The following PAX8 variants were observed in gnomAD, a reference collection of about 807,000 sequenced individuals.
PAX8 encodes the protein paired box protein Pax-8.
A neutral mutation model predicts 52.4 loss-of-function variants in PAX8; 15 were observed. That is an observed-to-expected ratio of 0.29 (90% CI 0.19 to 0.44). The LOEUF (loss-of-function observed/expected upper bound fraction) is 0.44. PAX8 is among the 20% of genes least tolerant of loss of function. PAX8 has a pLI of 1.00. For missense variants in PAX8, 554 were observed against 602.5 expected, an observed-to-expected ratio of 0.92 and a Z score of 0.84; for synonymous variants, 284 against 249.7, an observed-to-expected ratio of 1.14 and a Z score of -1.29.
At chr2:113,221,662 A>T (rs187009902) in intron 10 of PAX8, among the ~76,000 whole-genome samples, 30 of 152,374 alleles carry the variant, frequency 2.0e-4, no homozygotes, top group Admixed American at 1.5e-3. Flanking sequence ...TTTCCCATTA[A>T]ACAGGTGCGA....
At position 113,217,473 on chromosome 2, in the gene PAX8, G is replaced by C. The variant is rs1689067483; in HGVS notation, c.*1060C>G. ...GGCAAAGAGAGACATTTCACTCAGA[G>C]GCCAAAGTCTGGGGGTTAGAAAGAA... On this transcript the variant is annotated 3_prime_UTR_variant, in exon 12 of 12. Coordinates refer to ENST00000429538, the MANE Select transcript of PAX8 (RefSeq NM_003466.4). The C allele has an allele frequency of 4.4e-6, 1 of 229,814 alleles. No individual in the cohort carries two copies. The highest frequency in any genetic ancestry group is 8.6e-6 in the Non-Finnish European group (1 of 115,716). The allele number at this position is 229,814 out of a possible 1,614,324, so 14.2% of individuals were successfully genotyped here. A position where few individuals can be genotyped will look rare whatever the true frequency, so the allele number is the denominator to read the frequency against.
rs61730086 is a variant in PAX8, at chr2:113,242,108, G to T, written c.501C>A (p.Pro167=). The T allele has an allele frequency of 6.8e-4, 1,101 of 1,613,498 alleles. 16 individuals are homozygous for T. The South Asian group carries it at 0.011, about 17-fold the overall frequency. The change falls in exon 6 of 12, where the codon CCC becomes CCA. Residue 167 remains proline, a synonymous_variant. Transcript: ENST00000429538. The part of the protein sequence containing the change: ...HTLIPSSAVT[P]PESPQSDSLG... ...GGGAATCCGACTGGGGTGACTCCGG[G>T]GGAGTTACAGCTGAGCTGGGGACTG...
At chr2:113,218,753 T>C (rs973941275) in intron 11 of PAX8, 144 bp from the exon 12 acceptor site, 2 of 574,776 alleles carry the variant, frequency 3.5e-6, no homozygotes, top group African/African-American at 3.8e-5. Context: ...GAAGATTAAC[T>C]CCTCTCCAGC....
intron 2 of PAX8, chr2:113,269,106 A>G (rs1408411199): frequency 3.9e-5 from 6 of 152,266 alleles, no homozygotes; most frequent in African/African-American, 9.6e-5. Flanking sequence ...CAGAGGGGAA[A>G]GTTTGCATAT....
chr2:113,246,958 A>T, intron 2 of PAX8, 39 bp from the exon 3 acceptor site: 1 of 1,589,162 alleles, frequency 6.3e-7, no homozygotes, highest in Non-Finnish European at 8.6e-7. Context: ...TGTCAGGGTC[A>T]GGTAGGAGTT....
At chr2:113,247,023 G>C in intron 2 of PAX8, 104 bp from the exon 3 acceptor site, 1 of 1,133,088 alleles carries the variant, frequency 8.8e-7, no homozygotes, top group Non-Finnish European at 1.3e-6. Context: ...GTGTTTGACT[G>C]TGACCATGAA....
intron 2 of PAX8, among the ~76,000 whole-genome samples, chr2:113,264,977 T>C (rs1692951376): frequency 6.6e-6 from 1 of 152,168 alleles, no homozygotes; most frequent in African/African-American, 2.4e-5. Flanking sequence ...TAGGAGAAAG[T>C]CTTCTCGGAT....
At chr2:113,239,291 C>T (rs1690625559) in intron 7 of PAX8, 1 of 152,274 alleles carries the variant, frequency 6.6e-6, no homozygotes. Flanking sequence ...TGGTCTCAAA[C>T]TCCTGACCTC....
chr2:113,241,846 TG>T, intron 6 of PAX8, 120 bp from the exon 7 acceptor site: 1 of 1,457,610 alleles, frequency 6.9e-7, no homozygotes, highest in Non-Finnish European at 9.6e-7. Context: ...GCCAGCCACG[TG>T]GGCCCAGGAG....
intron 2 of PAX8, chr2:113,276,534 A>C (rs1486821689): frequency 6.6e-6 from 1 of 152,238 alleles, no homozygotes; most frequent in Non-Finnish European, 1.5e-5. Context: ...GAAAGCGCGC[A>C]TCTCATCATC....
intron 2 of PAX8, among the ~76,000 whole-genome samples, chr2:113,260,018 C>A (rs1325543003): frequency 1.3e-5 from 2 of 152,206 alleles, no homozygotes; most frequent in African/African-American, 2.4e-5. Flanking sequence ...AGGTCAGAGG[C>A]CTGTGGCTAC....
At chr2:113,226,548 G>A in intron 10 of PAX8, 1 of 1,001,350 alleles carries the variant, frequency 1.0e-6, no homozygotes, top group Non-Finnish European at 1.2e-6. Flanking sequence ...TGAGGATGGA[G>A]AGCTACTCCA....
chr2:113,243,141 TC>T lies in PAX8; in HGVS notation c.390-364del, dbSNP rs1440327651. 2.0e-5 allele frequency among the ~76,000 whole-genome samples: 3 copies of T among 152,198 alleles called. 1 individual carries two copies. The highest frequency in any genetic ancestry group is 2.0e-4 in the Admixed American group (3 of 15,264). On this transcript the variant is annotated intron_variant, in intron 4 of 11. Transcript: ENST00000429538. Reference sequence around the variant, plus strand: ...CCTTAGTGCATGTCATCACCAGTGTTCCAGGGTCACTCAGTGGCCCACGCCC... The same window carrying T: ...CCTTAGTGCATGTCATCACCAGTGTTCAGGGTCACTCAGTGGCCCACGCCC...
At chr2:113,225,955 G>A (rs1258226667) in intron 10 of PAX8, 1 of 983,202 alleles carries the variant, frequency 1.0e-6, no homozygotes. Context: ...AAGGGAGGGA[G>A]GGAGGGAGTC....
intron 10 of PAX8, among the ~76,000 whole-genome samples, chr2:113,221,056 C>T (rs1052949294): frequency 2.6e-5 from 4 of 152,176 alleles, no homozygotes; most frequent in African/African-American, 4.8e-5. Flanking sequence ...CTTTCCCATA[C>T]ATTATGATCT....
At position 113,246,914 on chromosome 2, in the gene PAX8, C is replaced by T; in HGVS notation, c.31G>A (p.Gly11Arg). The change falls in exon 3 of 12, where the codon GGA (glycine) becomes AGA (arginine). Residue 11 changes from glycine to arginine, a missense_variant. This residue lies in a region of PAX8 where 109 missense variants were observed against 192.7 expected (regional missense o/e 0.57). Transcript: ENST00000429538. ...GCCCCTCCCAGCTGGTTCAGCCCTC[C>T]ATGGCCTAAGGAGACAATATTCCCA... MPHNSIRSGH[G>R]GLNQLGGAFV... 1 of 1,613,456 alleles carries T rather than the reference C, an allele frequency of 6.2e-7. No homozygotes were observed. Among genetic ancestry groups the T allele is most frequent in the Non-Finnish European group, 8.5e-7 (1 of 1,179,634 alleles).
intron 2 of PAX8, chr2:113,274,123 A>G (rs1311445910): frequency 1.3e-5 from 2 of 152,214 alleles, no homozygotes; most frequent in African/African-American, 4.8e-5. Flanking sequence ...GATTGTGCAT[A>G]CAAAATGGAG....
intron 2 of PAX8, among the ~76,000 whole-genome samples, chr2:113,260,847 C>CTA (rs1692613550): frequency 6.6e-6 from 1 of 150,954 alleles, no homozygotes; most frequent in Non-Finnish European, 1.5e-5. Context: ...TGAATTAGGG[C>CTA]ACGTTTAGAG....
intron 2 of PAX8, among the ~76,000 whole-genome samples, chr2:113,262,487 C>T (rs1407198247): frequency 6.6e-6 from 1 of 152,180 alleles, no homozygotes; most frequent in Non-Finnish European, 1.5e-5. Flanking sequence ...GTTGCTCAGA[C>T]CCAAAGCAGC....
Sources: allele counts gnomAD v4.1 joint callset (sites outside exome capture counted in the v4.1 genomes callset), GRCh38; gene constraint gnomAD v4.1.1; regional missense constraint gnomAD v4.1.1; transcripts MANE v1.5; gene names NCBI Gene and HGNC (gene_info 2026-07-23, HGNC 2026-07-21).